LRRC1: variants seen among roughly 807,000 people sequenced by gnomAD.
LRRC1 encodes the protein leucine rich repeat containing 1.
In LRRC1, 28 loss-of-function variants were observed where a neutral mutation model predicts 69.9. The ratio of observed to expected loss-of-function variants is 0.40; its 90% CI spans 0.30 to 0.55. LRRC1 has a LOEUF of 0.55. Ranked by LOEUF, LRRC1 falls within the 20% of genes least tolerant of loss-of-function variation. LRRC1 has a pLI of 0.47. For missense variants in LRRC1, 498 were observed against 609.0 expected (o/e 0.82, Z 1.92); for synonymous variants, 236 against 240.2 (o/e 0.98, Z 0.16).
intron 2 of LRRC1, among the ~76,000 whole-genome samples, chr6:53,857,056 A>G (rs1766332558): frequency 6.6e-6 from 1 of 152,162 alleles, no homozygotes; most frequent in Non-Finnish European, 1.5e-5. Flanking sequence ...GTGGAGGGTG[A>G]GATGCCGTTG....
chr6:53,796,411 A>C (rs1056483088), intron 1 of LRRC1, among the ~76,000 whole-genome samples: 1 of 152,064 alleles, frequency 6.6e-6, no homozygotes, highest in African/African-American at 2.4e-5. Context: ...AATAATCCAA[A>C]GGTGTGCAGG....
intron 1 of LRRC1, among the ~76,000 whole-genome samples, chr6:53,816,430 G>A (rs905825877): frequency 1.7e-4 from 26 of 151,606 alleles, no homozygotes; most frequent in Non-Finnish European, 3.8e-4. Context: ...GAAGCCCTTG[G>A]TATCTCTGTC....
intron 1 of LRRC1, among the ~76,000 whole-genome samples, chr6:53,813,591 A>AT (rs1764865331): frequency 1.9e-5 from 2 of 107,206 alleles, no homozygotes; most frequent in Non-Finnish European, 1.9e-5. Flanking sequence ...CAGTTTCCTG[A>AT]TTTTTAAGTG....
At chr6:53,800,991 T>G (rs4276503) in intron 1 of LRRC1, among the ~76,000 whole-genome samples, 95,178 of 152,066 alleles carry the variant, frequency 0.63, 30,103 homozygotes, top group East Asian at 0.9. Context: ...TTGATGACCT[T>G]ATAAATGAGC....
intron 1 of LRRC1, among the ~76,000 whole-genome samples, chr6:53,825,938 G>A (rs138303075): frequency 3.3e-5 from 5 of 151,452 alleles, no homozygotes; most frequent in African/African-American, 9.7e-5. Context: ...GGTTATTGTT[G>A]GCTTGTTTTA....
chr6:53,856,848 G>A (rs1040036574), intron 2 of LRRC1, among the ~76,000 whole-genome samples: 1 of 152,150 alleles, frequency 6.6e-6, no homozygotes, highest in African/African-American at 2.4e-5. Context: ...TCTATGTCAG[G>A]GGTGGAGGGC....
At chr6:53,882,103 G>A (rs1767310235) in intron 3 of LRRC1, among the ~76,000 whole-genome samples, 1 of 152,150 alleles carries the variant, frequency 6.6e-6, no homozygotes. Context: ...AATCCCAGCA[G>A]TTTGGGAGGC....
At position 53,808,310 on chromosome 6, in the gene LRRC1, G is replaced by A. The variant is rs72948202; in HGVS notation, c.159+12895G>A. On this transcript the variant is annotated intron_variant, in intron 1 of 13. Coordinates refer to ENST00000370888, the MANE Select transcript of LRRC1 (RefSeq NM_018214.5). Reference sequence around the variant, plus strand: ...GATTTTTGGTTGTATTGATGGGGAGGGGGTAGCAGAATTATTTATTGATTT... The same window carrying A: ...GATTTTTGGTTGTATTGATGGGGAGAGGGTAGCAGAATTATTTATTGATTT... Among the ~76,000 whole-genome samples, 1,188 of 152,094 alleles carry A rather than the reference G, an allele frequency of 7.8e-3. 10 individuals are homozygous for A. Among genetic ancestry groups the A allele is most frequent in the South Asian group, 0.022 (105 of 4,808 alleles).
chr6:53,813,050 A>G (rs367887149), intron 1 of LRRC1, among the ~76,000 whole-genome samples: 107 of 152,154 alleles, frequency 7.0e-4, no homozygotes, highest in Middle Eastern at 3.4e-3. Flanking sequence ...GGATGGGGCC[A>G]CTGAGGATGC....
chr6:53,862,601 G>T (rs762325391), intron 2 of LRRC1, among the ~76,000 whole-genome samples: 1 of 152,056 alleles, frequency 6.6e-6, no homozygotes, highest in Non-Finnish European at 1.5e-5. Flanking sequence ...TTCTGCCAGC[G>T]CAAGTACCAA....
chr6:53,891,651 G>GA (rs1205167554), intron 4 of LRRC1, among the ~76,000 whole-genome samples: 1 of 152,056 alleles, frequency 6.6e-6, no homozygotes, highest in Non-Finnish European at 1.5e-5. Flanking sequence ...ATTGATGGGG[G>GA]AAAAGAAGAA....
chr6:53,860,560 ATGTACT>A lies in LRRC1; in HGVS notation c.277+18338_277+18343del, dbSNP rs368606356. Reference sequence around the variant, plus strand: ...TTTTTAAAGGGTTACTTTTGAAAAGATGTACTTGTATTATAGTAGAAGGATTTTTTT... The same window carrying A: ...TTTTTAAAGGGTTACTTTTGAAAAGATGTATTATAGTAGAAGGATTTTTTT... On this transcript the variant is annotated intron_variant, in intron 2 of 13. Coordinates refer to ENST00000370888, the MANE Select transcript of LRRC1 (RefSeq NM_018214.5). Among the ~76,000 whole-genome samples the A allele has an allele frequency of 5.7e-3, 875 of 152,280 alleles. 7 individuals carry two copies. Among genetic ancestry groups the A allele is most frequent in the African/African-American group, 0.02 (830 of 41,536 alleles).
At chr6:53,800,743 G>A (rs554907131) in intron 1 of LRRC1, among the ~76,000 whole-genome samples, 3 of 151,514 alleles carry the variant, frequency 2.0e-5, no homozygotes, top group South Asian at 4.2e-4. Flanking sequence ...GGGTTCAAGC[G>A]ATTCTCCTGT....
chr6:53,822,175 A>C (rs1259431330), intron 1 of LRRC1, among the ~76,000 whole-genome samples: 1 of 152,186 alleles, frequency 6.6e-6, no homozygotes, highest in Non-Finnish European at 1.5e-5. Context: ...GACAAGAAGA[A>C]CATAGCAATC....
chr6:53,922,790 G>T lies in LRRC1; in HGVS notation c.1572G>T (p.Val524=). 6.2e-7 allele frequency: 1 copy of T among 1,612,702 alleles called. No individual in the cohort carries two copies. Among genetic ancestry groups the T allele is most frequent in the Non-Finnish European group, 8.5e-7 (1 of 1,179,132 alleles). ...CCATTGACCGAGTGACCACTTCTGTGTAGAGTTTCACCTCCAAGTTTTACC... is the reference window on the plus strand; with the variant it reads ...CCATTGACCGAGTGACCACTTCTGTTTAGAGTTTCACCTCCAAGTTTTACC... ...NHAIDRVTTS[V] Residue 524 remains valine, a synonymous_variant, in exon 14 of 14, where the codon GTG becomes GTT. Transcript: ENST00000370888.
At chr6:53,877,255 A>T (rs1362848395) in intron 2 of LRRC1, among the ~76,000 whole-genome samples, 5 of 152,140 alleles carry the variant, frequency 3.3e-5, no homozygotes, top group Non-Finnish European at 7.4e-5. Context: ...AGGTCCCTAG[A>T]CTGCACACAA....
At chr6:53,894,343 C>A (rs1767799272) in intron 4 of LRRC1, among the ~76,000 whole-genome samples, 1 of 152,198 alleles carries the variant, frequency 6.6e-6, no homozygotes, top group South Asian at 2.1e-4. Flanking sequence ...GGTTTCTCCC[C>A]CTTGGCTCTG....
chr6:53,920,885 AT>A, intron 13 of LRRC1, 124 bp downstream of exon 13: 6 of 1,108,232 alleles, frequency 5.4e-6, no homozygotes, highest in Non-Finnish European at 7.7e-6. Context: ...GCATTTAGGA[AT>A]TTTTTTAGAA....
chr6:53,833,273 C>G (rs1194599447), intron 1 of LRRC1, among the ~76,000 whole-genome samples: 1 of 152,176 alleles, frequency 6.6e-6, no homozygotes, highest in African/African-American at 2.4e-5. Context: ...CTGATCCACC[C>G]TTCTGATCAT....
Sources: gnomAD v4.1 joint callset for allele counts (sites outside exome capture counted in the v4.1 genomes callset) on GRCh38, gnomAD v4.1.1 for gene constraint, MANE v1.5 for transcripts, NCBI Gene and HGNC (gene_info 2026-07-23, HGNC 2026-07-21) for gene names.